Variants in ZNRF1 observed in about 807,000 individuals in gnomAD.
ZNRF1 encodes the protein zinc and ring finger 1.
ZNRF1 carries 3 observed loss-of-function variants against 18.4 expected under a neutral mutation model. That is an observed-to-expected ratio of 0.16 (90% CI 0.07 to 0.42). ZNRF1 has a LOEUF of 0.42. ZNRF1 is among the 10% of genes least tolerant of loss of function. The probability of loss-of-function intolerance (pLI) is 0.99; values close to 1 mark genes in which losing one functional copy is unlikely to be tolerated. For missense variants in ZNRF1, 310 were observed against 329.8 expected (o/e 0.94, Z 0.47); for synonymous variants, 157 against 144.2 (o/e 1.09, Z -0.64).
intron 1 of ZNRF1, among the ~76,000 whole-genome samples, chr16:75,060,292 TCCGCCCATCTTG>T (rs1175117856): frequency 6.6e-6 from 1 of 152,054 alleles, no homozygotes; most frequent in African/African-American, 2.4e-5. Context: ...GACGTTGTGA[TCCGCCCATCTTG>T]CCTCCCAAAG....
chr16:75,093,729 T>C (rs1009941409), intron 2 of ZNRF1, 62 bp downstream of exon 2: 2 of 1,358,766 alleles, frequency 1.5e-6, no homozygotes, highest in African/African-American at 2.9e-5. Context: ...GGCCAGTCCT[T>C]GTGGGAGCCT....
In ZNRF1 at chr16:75,078,780, G is replaced by A. The variant is rs148875753; in HGVS notation, c.425-14792G>A. On this transcript the variant is annotated intron_variant, in intron 1 of 4. Transcript: ENST00000335325. ...CCTCTTCTTTCATAAACATTTGTTT[G>A]TGAGGACCAATACAGATATTGCTTC... Among the ~76,000 whole-genome samples the A allele has an allele frequency of 2.5e-3, 378 of 152,328 alleles. 1 individual carries two copies. The highest frequency in any genetic ancestry group is 8.5e-3 in the African/African-American group (355 of 41,582).
chr16:75,094,064 G>A (rs1014469779), intron 2 of ZNRF1, among the ~76,000 whole-genome samples: 58 of 152,198 alleles, frequency 3.8e-4, no homozygotes, highest in African/African-American at 1.3e-3. Context: ...GCAAGCACCC[G>A]CCCTCCTTGG....
chr16:75,073,631 T>G (rs546751485), intron 1 of ZNRF1, among the ~76,000 whole-genome samples: 1 of 152,298 alleles, frequency 6.6e-6, no homozygotes, highest in Non-Finnish European at 1.5e-5. Context: ...TTCTTTTGTT[T>G]CTTTTTTTCT....
At chr16:75,073,057 G>A (rs974086851) in intron 1 of ZNRF1, among the ~76,000 whole-genome samples, 4 of 151,762 alleles carry the variant, frequency 2.6e-5, no homozygotes, top group African/African-American at 9.7e-5. Flanking sequence ...GGGAGGCCAA[G>A]GTGGGAGGAA....
intron 1 of ZNRF1, among the ~76,000 whole-genome samples, chr16:75,050,063 T>C (rs2035572790): frequency 6.6e-6 from 1 of 152,166 alleles, no homozygotes; most frequent in Non-Finnish European, 1.5e-5. Context: ...ATTTCAGTAA[T>C]GCTATATAAA....
chr16:75,024,166 A>G (rs2035191402), intron 1 of ZNRF1, among the ~76,000 whole-genome samples: 1 of 152,124 alleles, frequency 6.6e-6, no homozygotes, highest in Non-Finnish European at 1.5e-5. Context: ...CACCGCACCC[A>G]GCCCAGAATC....
intron 1 of ZNRF1, among the ~76,000 whole-genome samples, chr16:75,067,357 G>A (rs1038352795): frequency 1.3e-5 from 2 of 152,186 alleles, no homozygotes; most frequent in Non-Finnish European, 1.5e-5. Context: ...TAGACCCCAT[G>A]TCTCGATAGA....
chr16:75,069,176 GA>G (rs1356627752), intron 1 of ZNRF1, among the ~76,000 whole-genome samples: 7 of 145,712 alleles, frequency 4.8e-5, no homozygotes, highest in African/African-American at 7.6e-5. Flanking sequence ...TTTCAGAAAA[GA>G]AAAAAAAAAG....
At chr16:75,093,774 C>T (rs2145421844) in intron 2 of ZNRF1, 107 bp downstream of exon 2, 1 of 810,874 alleles carries the variant, frequency 1.2e-6, no homozygotes, top group Non-Finnish European at 2.1e-6. Context: ...TATTTTCACC[C>T]TGCCCTCTGG....
In ZNRF1 at chr16:75,108,030, T is replaced by G. The variant is rs1368218319; in HGVS notation, c.*330T>G. 1 of 317,088 alleles carries G rather than the reference T, an allele frequency of 3.2e-6. No homozygotes were observed. The highest frequency in any genetic ancestry group is 2.2e-5 in the African/African-American group (1 of 44,658). 19.6% of individuals were successfully genotyped at this position (317,088 alleles called of 1,614,324 possible). A position where few individuals can be genotyped will look rare whatever the true frequency, so the allele number is the denominator to read the frequency against. ...AAAAAAAAATTATATAAAAAAAAAG[T>G]CTAGTGTCGACTGGTGTTTTCCCTC... On this transcript the variant is annotated 3_prime_UTR_variant, in exon 5 of 5. Transcript: ENST00000335325.
chr16:74,999,121 G>C lies in ZNRF1; in HGVS notation c.-551G>C, dbSNP rs1320984496. 3 of 147,652 alleles carry C rather than the reference G, an allele frequency of 2.0e-5. No homozygotes were observed. Among genetic ancestry groups the C allele is most frequent in the African/African-American group, 7.3e-5 (3 of 40,976 alleles). The allele number at this position is 147,652 out of a possible 1,614,324, so 9.1% of individuals were successfully genotyped here. A position where few individuals can be genotyped will look rare whatever the true frequency, so the allele number is the denominator to read the frequency against. Reference sequence around the variant, plus strand: ...CCGGCGGCGGCTGAAGCGAGAGCGCGACGCGACGCGACCGCGGCTTCCCGA... The same window carrying C: ...CCGGCGGCGGCTGAAGCGAGAGCGCCACGCGACGCGACCGCGGCTTCCCGA... On this transcript the variant is annotated 5_prime_UTR_variant, in exon 1 of 5. Transcript: ENST00000335325.
At chr16:75,000,140 G>A (rs373612704) in intron 1 of ZNRF1, 45 bp downstream of exon 1, 48 of 1,569,016 alleles carry the variant, frequency 3.1e-5, no homozygotes, top group African/African-American at 4.0e-5. Flanking sequence ...GGCGCGCCGG[G>A]GCGCCCCAAG....
chr16:75,066,593 T>C (rs1297928363), intron 1 of ZNRF1, among the ~76,000 whole-genome samples: 1 of 152,128 alleles, frequency 6.6e-6, no homozygotes, highest in African/African-American at 2.4e-5. Flanking sequence ...ACCTCCACTT[T>C]CCGGGTTCAA....
intron 1 of ZNRF1, among the ~76,000 whole-genome samples, chr16:75,085,791 T>TGAGAGAGAGAGAGAGAGAGAGAGAGA (rs71378737): frequency 4.3e-5 from 6 of 139,026 alleles, no homozygotes; most frequent in African/African-American, 1.4e-4. Context: ...TCCGACAGAG[T>TGAGAGAGAGAGAGAGAGAGAGAGAGA]GAGAGAGAGA....
At chr16:75,031,751 C>T (rs2035307449) in intron 1 of ZNRF1, among the ~76,000 whole-genome samples, 2 of 152,088 alleles carry the variant, frequency 1.3e-5, no homozygotes, top group Non-Finnish European at 2.9e-5. Context: ...TTCTGCCCAT[C>T]TCGGCTTCTC....
chr16:75,096,563 G>A (rs1317114181), intron 2 of ZNRF1, among the ~76,000 whole-genome samples: 1 of 152,168 alleles, frequency 6.6e-6, no homozygotes, highest in South Asian at 2.1e-4. Flanking sequence ...GAAAGGGGGC[G>A]AGGCGGGGCT....
At chr16:75,105,175 G>A in intron 3 of ZNRF1, 1 of 349,964 alleles carries the variant, frequency 2.9e-6, no homozygotes, top group South Asian at 2.8e-5. Context: ...GGTTGGAGGA[G>A]CTTCGGATCC....
At chr16:75,063,667 T>G (rs2035768440) in intron 1 of ZNRF1, among the ~76,000 whole-genome samples, 1 of 152,224 alleles carries the variant, frequency 6.6e-6, no homozygotes, top group Non-Finnish European at 1.5e-5. Context: ...GTGAAGTTAC[T>G]GTGTGAACTC....
Sources: allele counts gnomAD v4.1 joint callset (sites outside exome capture counted in the v4.1 genomes callset), GRCh38; gene constraint gnomAD v4.1.1; transcripts MANE v1.5; gene names NCBI Gene and HGNC (gene_info 2026-07-23, HGNC 2026-07-21).